AXIN2: variants seen among roughly 807,000 people sequenced by gnomAD.
The protein encoded by AXIN2 is axin 2, also known as axin-2.
A neutral mutation model predicts 74.7 loss-of-function variants in AXIN2; 21 were observed. The ratio of observed to expected loss-of-function variants is 0.28; its 90% confidence interval spans 0.20 to 0.40. The LOEUF (loss-of-function observed/expected upper bound fraction) is 0.40. Among genes scored for constraint, AXIN2 ranks in the 10% least tolerant of loss-of-function variants. The pLI, the probability that AXIN2 is intolerant of heterozygous loss-of-function variation, is 1.00. For synonymous variants in AXIN2, 532 were observed against 454.9 expected (o/e 1.17, Z -2.16); for missense variants, 1,144 against 1,111.1 (o/e 1.03, Z -0.42).
At chr17:65,535,768 C>T (rs1320908662) in intron 8 of AXIN2, 47 bp from the exon 9 acceptor site, 26 of 1,540,076 alleles carry the variant, frequency 1.7e-5, no homozygotes, top group Non-Finnish European at 2.3e-5. Flanking sequence ...ACTGTTGTCC[C>T]CAGAGCAATT....
chr17:65,530,162 A>C (rs2043792878), intron 10 of AXIN2, 60 bp from the exon 11 acceptor site: 2 of 1,605,752 alleles, frequency 1.2e-6, no homozygotes, highest in East Asian at 2.2e-5. Context: ...TGTTGAAAAG[A>C]AAAGCATACC....
At chr17:65,539,834 T>C (rs976509285) in intron 4 of AXIN2, among the ~76,000 whole-genome samples, 13 of 152,342 alleles carry the variant, frequency 8.5e-5, no homozygotes, top group African/African-American at 3.1e-4. Flanking sequence ...CTCCCCTCCT[T>C]GCAACCTGGA....
At chr17:65,538,094 T>A (rs768587928) in intron 5 of AXIN2, 109 bp downstream of exon 5, 13 of 1,577,398 alleles carry the variant, frequency 8.2e-6, no homozygotes, top group South Asian at 8.0e-5. Flanking sequence ...CGCATGCGCA[T>A]GCAACCCACG....
chr17:65,557,749 C>A (rs1270214100), intron 2 of AXIN2, 57 bp downstream of exon 2: 1 of 1,569,336 alleles, frequency 6.4e-7, no homozygotes, highest in African/African-American at 1.4e-5. Flanking sequence ...ATCCACCATA[C>A]TTAAAACATC....
chr17:65,538,356 G>T lies in AXIN2; in HGVS notation c.1060-13C>A, dbSNP rs540249008. 1 of 1,614,112 alleles carries T rather than the reference G, an allele frequency of 6.2e-7. No homozygotes were observed. The highest frequency in any genetic ancestry group is 1.1e-5 in the South Asian group (1 of 91,086). ...GGCGGTGGGTTCTCTACAGGACGTG[G>T]AAAGGAAAGGGAGGAGGCACGTTCA... On this transcript the variant is annotated splice_polypyrimidine_tract_variant and intron_variant, in intron 4 of 10. Coordinates refer to ENST00000307078, the MANE Select transcript of AXIN2 (RefSeq NM_004655.4).
chr17:65,543,201 G>T (rs1430783747), intron 3 of AXIN2, among the ~76,000 whole-genome samples: 1 of 152,202 alleles, frequency 6.6e-6, no homozygotes, highest in East Asian at 1.9e-4. Flanking sequence ...CTGCCCCAAA[G>T]AAAGGTAAGT....
intron 3 of AXIN2, among the ~76,000 whole-genome samples, chr17:65,547,299 T>G (rs978824838): frequency 3.9e-5 from 6 of 152,210 alleles, no homozygotes; most frequent in African/African-American, 1.4e-4. Flanking sequence ...AAAGGTCTCA[T>G]GACCAACCGG....
chr17:65,534,118 A>T, intron 9 of AXIN2, 39 bp from the exon 10 acceptor site: 1 of 1,612,092 alleles, frequency 6.2e-7, no homozygotes, highest in Non-Finnish European at 8.5e-7. Flanking sequence ...TAGCATTTTA[A>T]AGCAGACACA....
Position 65,558,744 on chromosome 17 carries a change from G to A in AXIN2, c.-116-8C>T, listed in dbSNP as rs1598120733. 6 of 987,692 alleles carry A rather than the reference G, an allele frequency of 6.1e-6. No individual in the cohort carries two copies. The South Asian group carries it at 6.9e-5, about 11-fold the overall frequency. The allele number at this position is 987,692 out of a possible 1,614,324, so 61.2% of individuals were successfully genotyped here. A position where few individuals can be genotyped will look rare whatever the true frequency, so the allele number is the denominator to read the frequency against. ...CTCATCTGAACCTCCTCTCTGGAAA[G>A]AAAAGGAAGGGGGGAGGTGGGGAGA... On this transcript the variant is annotated splice_polypyrimidine_tract_variant and splice_region_variant and intron_variant, in intron 1 of 10. Coordinates refer to ENST00000307078, the MANE Select transcript of AXIN2 (RefSeq NM_004655.4).
intron 3 of AXIN2, among the ~76,000 whole-genome samples, chr17:65,546,314 G>A (rs1006637765): frequency 4.6e-5 from 7 of 152,118 alleles, no homozygotes; most frequent in East Asian, 1.9e-4. Flanking sequence ...TTTATTTCTC[G>A]CCCGGCGCTC....
Position 65,558,418 on chromosome 17 carries a change from C to T in AXIN2, c.203G>A (p.Arg68Gln), listed in dbSNP as rs138056036. The T allele has an allele frequency of 1.3e-4, 210 of 1,600,510 alleles. No homozygotes were observed. The highest frequency in any genetic ancestry group is 4.0e-4 in the Admixed American group (24 of 59,418). Residue 68 changes from arginine (R) to glutamine (Q), a missense_variant, in exon 2 of 11, where the codon CGG becomes CAG. Physicochemically the swap from Arg to Gln is conservative, Grantham distance 43. Around this residue, in one of 4 missense-constraint regions of AXIN2, gnomAD observed 1,053 missense variants for 973.5 expected, o/e 1.08. Transcript: ENST00000307078. ...GGTCAGAGGGGAATCCGGAGATGCCCGCCCCTCCGGCTCCCCCAACCCATC... is the reference window on the plus strand; with the variant it reads ...GGTCAGAGGGGAATCCGGAGATGCCTGCCCCTCCGGCTCCCCCAACCCATC... The part of the protein sequence containing the change: ...NEDGLGEPEG[R>Q]ASPDSPLTRW...
intron 2 of AXIN2, among the ~76,000 whole-genome samples, chr17:65,554,008 C>T (rs1233546044): frequency 5.9e-5 from 9 of 152,194 alleles, no homozygotes. Context: ...ATCCACAGAC[C>T]TGGTTTGCAA....
chr17:65,547,243 G>C (rs991952670), intron 3 of AXIN2, among the ~76,000 whole-genome samples: 1 of 152,208 alleles, frequency 6.6e-6, no homozygotes, highest in African/African-American at 2.4e-5. Context: ...CTAAAAAGCA[G>C]TCTTGATTAC....
intron 7 of AXIN2, 88 bp downstream of exon 7, chr17:65,536,779 CCG>C: frequency 1.3e-6 from 2 of 1,557,500 alleles, no homozygotes; most frequent in Non-Finnish European, 1.8e-6. Context: ...CATTTGTATT[CCG>C]CGGACTGCAA....
At chr17:65,535,454 C>T (rs1192813166) in intron 9 of AXIN2, among the ~76,000 whole-genome samples, 172 bp downstream of exon 9, 2 of 152,130 alleles carry the variant, frequency 1.3e-5, no homozygotes, top group African/African-American at 2.4e-5. Flanking sequence ...ATGCATTTGT[C>T]GGCAGGACAT....
At chr17:65,538,934 A>G (rs2043995994) in intron 4 of AXIN2, among the ~76,000 whole-genome samples, 1 of 151,972 alleles carries the variant, frequency 6.6e-6, no homozygotes. Context: ...ACTGTCCTCG[A>G]TCTCCCTCGT....
At chr17:65,549,205 C>T (rs541008106) in intron 3 of AXIN2, among the ~76,000 whole-genome samples, 1 of 152,144 alleles carries the variant, frequency 6.6e-6, no homozygotes, top group Non-Finnish European at 1.5e-5. Flanking sequence ...ATGATGACAA[C>T]CAGAAGAAGG....
intron 9 of AXIN2, 134 bp downstream of exon 9, chr17:65,535,492 C>G: frequency 1.2e-6 from 1 of 837,854 alleles, no homozygotes; most frequent in Non-Finnish European, 2.0e-6. Flanking sequence ...TTTACTGTTC[C>G]TCATCACTAG....
chr17:65,545,415 TGTG>T (rs1461992505), intron 3 of AXIN2, among the ~76,000 whole-genome samples: 1 of 152,206 alleles, frequency 6.6e-6, no homozygotes, highest in Non-Finnish European at 1.5e-5. Flanking sequence ...TTTGGCAGGT[TGTG>T]GTGGCTCACG....
Sources: allele counts gnomAD v4.1 joint callset (sites outside exome capture counted in the v4.1 genomes callset), GRCh38; gene constraint gnomAD v4.1.1; regional missense constraint gnomAD v4.1.1; transcripts MANE v1.5; gene names NCBI Gene and HGNC (gene_info 2026-07-23, HGNC 2026-07-21).